The following HSPG2 variants were observed in gnomAD, a reference collection of about 807,000 sequenced individuals.
The protein encoded by HSPG2 is basement membrane-specific heparan sulfate proteoglycan core protein.
In HSPG2, 278 loss-of-function variants were observed where a neutral mutation model predicts 526.6. The observed-to-expected ratio is 0.53, with a 90% confidence interval of 0.48 to 0.58. The LOEUF is 0.58. Ranked by LOEUF, HSPG2 falls within the 20% of genes least tolerant of loss-of-function variation. The pLI, the probability that HSPG2 is intolerant of heterozygous loss-of-function variation, is 0.00. For missense variants in HSPG2, 5,354 were observed against 6,099.5 expected (o/e 0.88, Z 4.07); for synonymous variants, 2,465 against 2,555.4 (o/e 0.96, Z 1.07).
Position 21,874,504 on chromosome 1 carries a change from C to G in HSPG2, c.3558G>C (p.Arg1186=). Residue 1186 remains arginine, a synonymous_variant, in exon 28 of 97, where the codon CGG becomes CGC. Coordinates refer to ENST00000374695, the MANE Select transcript of HSPG2 (RefSeq NM_005529.7). ...AGTATCCTGGCTGGCACTGCTCACA[C>G]CGAGGGCCCTCCGTGTGATGCTGGC... ...QGCQHHTEGP[R]CEQCQPGYYG... 6.2e-7 allele frequency: 1 copy of G among 1,613,364 alleles called. No homozygotes were observed. Among genetic ancestry groups the G allele is most frequent in the Non-Finnish European group, 8.5e-7 (1 of 1,179,968 alleles).
intron 9 of HSPG2, among the ~76,000 whole-genome samples, chr1:21,885,889 G>T (rs1358462087): frequency 6.6e-6 from 1 of 152,230 alleles, no homozygotes; most frequent in Non-Finnish European, 1.5e-5. Context: ...GGGCTCGACG[G>T]TCTGTGCTCC....
At position 21,880,156 on chromosome 1, in the gene HSPG2, T is replaced by C. The variant is rs989994; in HGVS notation, c.2294A>G (p.Asn765Ser). ...GPYLGTCSGC[N>S]CNGHASSCDP... Reference sequence around the variant, plus strand: ...ACAGGAGCTGGCATGGCCATTGCAATTGCAACCAGAGCAGGTGCCCAGGTA... The same window carrying C: ...ACAGGAGCTGGCATGGCCATTGCAACTGCAACCAGAGCAGGTGCCCAGGTA... The change falls in exon 17 of 97, where the codon AAT (asparagine) becomes AGT (serine). Residue 765 changes from asparagine (N) to serine (S), a missense_variant. By Grantham distance (46) the Asn-to-Ser change is conservative (BLOSUM62 1). Transcript: ENST00000374695. The C allele has an allele frequency of 0.99, 1,596,271 of 1,614,162 alleles. 790,904 individuals carry two copies. Among genetic ancestry groups the C allele is most frequent in the East Asian group, 1 (44,886 of 44,888 alleles).
intron 1 of HSPG2, among the ~76,000 whole-genome samples, chr1:21,923,923 G>A (rs889890836): frequency 2.0e-5 from 3 of 152,172 alleles, no homozygotes; most frequent in African/African-American, 4.8e-5. Context: ...TTGGGATCAC[G>A]TAAGAGTTTA....
chr1:21,839,041 C>T lies in HSPG2; in HGVS notation c.9934G>A (p.Ala3312Thr). 6.3e-7 allele frequency: 1 copy of T among 1,599,278 alleles called. No individual in the cohort carries two copies. Among genetic ancestry groups the T allele is most frequent in the Middle Eastern group, 1.7e-4 (1 of 6,012 alleles). ...CACTGGAGCTGCACCGTCTCCCCTG[C>T]CTGCACCGAAGCGTGCTCTGGGACC... ...TTVPEHASVQ[A>T]GETVQLQCLA... Residue 3312 changes from alanine (A) to threonine (T), a missense_variant, in exon 74 of 97, where the codon GCA becomes ACA. By Grantham distance (58) the Ala-to-Thr change is moderately conservative. Transcript: ENST00000374695. This position sits in a 1 kb window ranked among gnomAD's most constrained non-coding sequence, Gnocchi z 4.5.
At chr1:21,831,911 T>C in intron 81 of HSPG2, 115 bp from the exon 82 acceptor site, 5 of 1,123,990 alleles carry the variant, frequency 4.4e-6, no homozygotes, top group Non-Finnish European at 5.0e-6. Flanking sequence ...CTTCCTGCAG[T>C]CCCAGCCCTG....
chr1:21,852,037 T>C, intron 53 of HSPG2, 51 bp downstream of exon 53: 1 of 1,611,908 alleles, frequency 6.2e-7, no homozygotes, highest in Non-Finnish European at 8.5e-7. Context: ...GGGGCCAGGA[T>C]CCTGCAACCC....
intron 1 of HSPG2, among the ~76,000 whole-genome samples, chr1:21,900,324 C>T (rs1218919043): frequency 6.6e-6 from 1 of 152,130 alleles, no homozygotes. Flanking sequence ...AGAACAATTG[C>T]TTGGGGCTGG....
Position 21,836,905 on chromosome 1 carries a change from C to T in HSPG2, c.10252G>A (p.Glu3418Lys), listed in dbSNP as rs1481943299. ...LETKSIGASV[E>K]FHCAVPSDRG... ...TCGCTGGGCACAGCACAGTGGAACT[C>T]AACGCTGGCCCCAATGCTCTTGGTC... is the stretch of plus-strand genomic sequence containing the variant. Residue 3418 changes from glutamate (E) to lysine (K), a missense_variant, in exon 75 of 97, where the codon GAG becomes AAG. Transcript: ENST00000374695. 6.4e-7 allele frequency: 1 copy of T among 1,563,628 alleles called. No individual in the cohort carries two copies. Among genetic ancestry groups the T allele is most frequent in the Non-Finnish European group, 8.7e-7 (1 of 1,153,766 alleles).
chr1:21,929,791 C>T (rs1455588285), intron 1 of HSPG2, among the ~76,000 whole-genome samples: 1 of 152,044 alleles, frequency 6.6e-6, no homozygotes, highest in Non-Finnish European at 1.5e-5. Context: ...TCTTTCTGTC[C>T]CGCCCCACAT....
chr1:21,914,568 A>C (rs1037259405), intron 1 of HSPG2, among the ~76,000 whole-genome samples: 48 of 152,242 alleles, frequency 3.2e-4, no homozygotes, highest in Admixed American at 2.6e-3. Flanking sequence ...TCCCATGGGG[A>C]GGAGCAGAAA....
intron 1 of HSPG2, among the ~76,000 whole-genome samples, chr1:21,922,310 T>C (rs1286323763): frequency 1.3e-5 from 2 of 152,200 alleles, no homozygotes; most frequent in East Asian, 3.9e-4. Flanking sequence ...CTCCTGCCTA[T>C]GACACTGTCC....
chr1:21,902,406 G>C (rs1643150397), intron 1 of HSPG2, among the ~76,000 whole-genome samples: 1 of 152,178 alleles, frequency 6.6e-6, no homozygotes, highest in African/African-American at 2.4e-5. Context: ...TTGTGCCAGG[G>C]GCTGAGCTAA....
At chr1:21,908,875 C>A (rs1405045804) in intron 1 of HSPG2, among the ~76,000 whole-genome samples, 1 of 152,156 alleles carries the variant, frequency 6.6e-6, no homozygotes, top group African/African-American at 2.4e-5. Context: ...CCTATAATTC[C>A]AGCACTTTGG....
chr1:21,930,786 A>AG (rs1644327970), intron 1 of HSPG2, among the ~76,000 whole-genome samples: 1 of 152,306 alleles, frequency 6.6e-6, no homozygotes, highest in East Asian at 1.9e-4. Flanking sequence ...AAAAAAAAAA[A>AG]AGATCTAGAA....
chr1:21,907,241 T>C (rs1389543092), intron 1 of HSPG2, among the ~76,000 whole-genome samples: 6 of 152,148 alleles, frequency 3.9e-5, no homozygotes, highest in Non-Finnish European at 7.3e-5. Flanking sequence ...GTTCAGCTGC[T>C]GAGTGCAGAG....
In HSPG2 at chr1:21,927,341, T is replaced by C. The variant is rs531536183; in HGVS notation, c.63+9814A>G. Among the ~76,000 whole-genome samples, 5 of 152,242 alleles carry C rather than the reference T, an allele frequency of 3.3e-5. No individual in the cohort carries two copies. In the South Asian group the frequency reaches 1.0e-3, roughly 32 times the overall value. ...TGGGGTGGGGTGAGATCCCCAGGCC[T>C]GTGTGTCTCTCTCTCCTGAGTCCTG... is the stretch of plus-strand genomic sequence containing the variant. On this transcript the variant is annotated intron_variant, in intron 1 of 96. Transcript: ENST00000374695.
intron 17 of HSPG2, 67 bp downstream of exon 17, chr1:21,880,040 C>T: frequency 6.4e-7 from 1 of 1,573,712 alleles, no homozygotes; most frequent in Non-Finnish European, 8.7e-7. Context: ...AGCTCATGAA[C>T]ACAGGGAATC....
At chr1:21,877,072 A>AAAAAAAAG (rs1392119655) in intron 21 of HSPG2, among the ~76,000 whole-genome samples, 5 of 151,256 alleles carry the variant, frequency 3.3e-5, no homozygotes, top group African/African-American at 1.2e-4. Context: ...AAAAAAAAAA[A>AAAAAAAAG]AAAAGAAAAG....
chr1:21,923,416 A>G (rs1367071707), intron 1 of HSPG2, among the ~76,000 whole-genome samples: 1 of 150,778 alleles, frequency 6.6e-6, no homozygotes, highest in African/African-American at 2.4e-5. Context: ...AAAAAAAAAA[A>G]TAAAATAAAA....
Sources: gnomAD v4.1 joint callset for allele counts (sites outside exome capture counted in the v4.1 genomes callset) on GRCh38, gnomAD v4.1.1 for gene constraint, Gnocchi (gnomAD v3.1) non-coding constraint, MANE v1.5 for transcripts, NCBI Gene and HGNC (gene_info 2026-07-23, HGNC 2026-07-21) for gene names.